TNIK: variants seen among roughly 807,000 people sequenced by gnomAD.
The protein encoded by TNIK is TRAF2 and NCK-interacting protein kinase.
A neutral mutation model predicts 191.3 loss-of-function variants in TNIK; 49 were observed. The observed-to-expected ratio is 0.26, with a 90% CI of 0.20 to 0.32. The LOEUF (loss-of-function observed/expected upper bound fraction) is 0.32. Among genes scored for constraint, TNIK ranks in the 10% least tolerant of loss-of-function variants. The probability of loss-of-function intolerance (pLI) is 1.00; values close to 1 mark genes in which losing one functional copy is unlikely to be tolerated. For synonymous variants in TNIK, 594 were observed against 600.9 expected (o/e 0.99, Z 0.17); for missense variants, 1,155 against 1,702.3 (o/e 0.68, Z 5.66).
chr3:171,315,978 G>T (rs1018850761), intron 2 of TNIK, among the ~76,000 whole-genome samples: 5 of 152,140 alleles, frequency 3.3e-5, no homozygotes, highest in Non-Finnish European at 5.9e-5. Context: ...GCATTTCACA[G>T]TTGTTTTATA....
chr3:171,148,483 C>T (rs2108668972), intron 12 of TNIK, among the ~76,000 whole-genome samples: 1 of 152,284 alleles, frequency 6.6e-6, no homozygotes, highest in East Asian at 1.9e-4. Flanking sequence ...GTACCTACGA[C>T]TCTGAATGTT....
At chr3:171,450,759 T>G (rs1474283448) in intron 1 of TNIK, among the ~76,000 whole-genome samples, 1 of 152,206 alleles carries the variant, frequency 6.6e-6, no homozygotes, top group African/African-American at 2.4e-5. Flanking sequence ...AGATCCCTTT[T>G]AAATGAATGA....
chr3:171,322,719 C>T (rs996325941), intron 2 of TNIK, among the ~76,000 whole-genome samples: 11 of 152,106 alleles, frequency 7.2e-5, no homozygotes, highest in African/African-American at 2.4e-4. Flanking sequence ...CTATGTCCCT[C>T]ATTTCAGTGC....
chr3:171,246,629 AT>A (rs1354329577), intron 2 of TNIK, among the ~76,000 whole-genome samples: 2 of 152,216 alleles, frequency 1.3e-5, no homozygotes, highest in African/African-American at 4.8e-5. Context: ...AACAAAAAAA[AT>A]ATTTCTAAGA....
intron 18 of TNIK, among the ~76,000 whole-genome samples, chr3:171,120,400 A>C (rs1165789323): frequency 1.4e-5 from 2 of 142,798 alleles, no homozygotes; most frequent in African/African-American, 5.4e-5. Flanking sequence ...GGCTCACTGC[A>C]AGCTCCGCTT....
At chr3:171,364,907 C>T (rs1476425064) in intron 2 of TNIK, among the ~76,000 whole-genome samples, 1 of 151,974 alleles carries the variant, frequency 6.6e-6, no homozygotes, top group African/African-American at 2.4e-5. Context: ...ACAAGGTGCT[C>T]ATTCTAATAT....
chr3:171,294,942 T>A (rs1752097869), intron 2 of TNIK, among the ~76,000 whole-genome samples: 1 of 151,356 alleles, frequency 6.6e-6, no homozygotes, highest in Non-Finnish European at 1.5e-5. Context: ...AGATTAAGGA[T>A]GACAAAGTCT....
At chr3:171,222,977 GT>G (rs1273033686) in intron 3 of TNIK, among the ~76,000 whole-genome samples, 1 of 152,100 alleles carries the variant, frequency 6.6e-6, no homozygotes, top group Non-Finnish European at 1.5e-5. Flanking sequence ...TATGTATTGG[GT>G]TTTTCTCTAA....
chr3:171,193,025 G>A (rs1738249922), intron 5 of TNIK, among the ~76,000 whole-genome samples: 1 of 152,138 alleles, frequency 6.6e-6, no homozygotes, highest in Non-Finnish European at 1.5e-5. Flanking sequence ...TGTAGCAGGT[G>A]TCAGGTTTCA....
chr3:171,284,377 C>T (rs575441624), intron 2 of TNIK, among the ~76,000 whole-genome samples: 1 of 152,288 alleles, frequency 6.6e-6, no homozygotes, highest in South Asian at 2.1e-4. Flanking sequence ...TCACATGCAG[C>T]ATTTTAAAAT....
intron 2 of TNIK, among the ~76,000 whole-genome samples, chr3:171,237,326 A>C (rs2109023174): frequency 6.6e-6 from 1 of 152,260 alleles, no homozygotes; most frequent in Non-Finnish European, 1.5e-5. Flanking sequence ...ACCAAATCTA[A>C]AGTAATATGG....
chr3:171,068,195 A>G (rs1718716368), intron 30 of TNIK, among the ~76,000 whole-genome samples: 1 of 152,182 alleles, frequency 6.6e-6, no homozygotes, highest in African/African-American at 2.4e-5. Flanking sequence ...TGAATATTTT[A>G]GGGCTAATAA....
intron 4 of TNIK, among the ~76,000 whole-genome samples, chr3:171,210,876 C>T (rs879017064): frequency 9.4e-5 from 13 of 137,620 alleles, no homozygotes; most frequent in Non-Finnish European, 2.0e-4. Context: ...AAACAGAGAA[C>T]TTAACAATTG....
At chr3:171,087,278 T>G (rs1354150875) in intron 24 of TNIK, 64 bp downstream of exon 24, 3 of 1,598,778 alleles carry the variant, frequency 1.9e-6, no homozygotes, top group Middle Eastern at 1.9e-4. Context: ...CTTGAAGAGA[T>G]CATGGTTTTA....
At chr3:171,209,096 T>TGTGTGTGTGTGC in intron 4 of TNIK, among the ~76,000 whole-genome samples, 1 of 151,704 alleles carries the variant, frequency 6.6e-6, no homozygotes, top group Non-Finnish European at 1.5e-5. Context: ...TGTGTGTGTG[T>TGTGTGTGTGTGC]GTATGCCAAC....
At chr3:171,327,471 T>G (rs996765213) in intron 2 of TNIK, among the ~76,000 whole-genome samples, 1 of 152,190 alleles carries the variant, frequency 6.6e-6, no homozygotes. Context: ...GACAGTGCTA[T>G]GCCTGGCCGC....
At chr3:171,210,167 G>A (rs1407226915) in intron 4 of TNIK, among the ~76,000 whole-genome samples, 1 of 152,190 alleles carries the variant, frequency 6.6e-6, no homozygotes, top group Non-Finnish European at 1.5e-5. Context: ...AGGAAGCGGG[G>A]AAGGAGGGAC....
At chr3:171,235,556 A>G (rs754089567) in intron 2 of TNIK, among the ~76,000 whole-genome samples, 1 of 152,168 alleles carries the variant, frequency 6.6e-6, no homozygotes, top group Non-Finnish European at 1.5e-5. Context: ...GTACCTGAAC[A>G]CTAGTCCAAG....
At chr3:171,453,440 G>A (rs148827474) in intron 1 of TNIK, among the ~76,000 whole-genome samples, 1 of 152,106 alleles carries the variant, frequency 6.6e-6, no homozygotes, top group Non-Finnish European at 1.5e-5. Context: ...ATCCATGGGG[G>A]AATGAAATTG....
Sources: allele counts gnomAD v4.1 joint callset (sites outside exome capture counted in the v4.1 genomes callset), GRCh38; gene constraint gnomAD v4.1.1; transcripts MANE v1.5; gene names NCBI Gene and HGNC (gene_info 2026-07-23, HGNC 2026-07-21).